Variants in ORC5 observed in about 807,000 individuals in gnomAD.
The protein encoded by ORC5 is origin recognition complex subunit 5.
Under a neutral mutation model 58.8 loss-of-function variants are expected in ORC5, and 39 were observed. That is an observed-to-expected ratio of 0.66 (90% CI 0.51 to 0.87). The LOEUF is 0.87. Ranked by LOEUF, ORC5 falls within the 40% of genes least tolerant of loss-of-function variation. The pLI is 0.00. For missense variants in ORC5, 493 were observed against 506.3 expected, an observed-to-expected ratio of 0.97 and a Z score of 0.25; for synonymous variants, 218 against 177.6, an observed-to-expected ratio of 1.23 and a Z score of -1.81.
chr7:104,192,989 G>A (rs1239211384), intron 5 of ORC5, among the ~76,000 whole-genome samples: 1 of 151,702 alleles, frequency 6.6e-6, no homozygotes, highest in South Asian at 2.1e-4. Flanking sequence ...AATATAAAGT[G>A]CTCTAACATA....
At chr7:104,137,244 C>A (rs1412476122) in intron 12 of ORC5, among the ~76,000 whole-genome samples, 1 of 142,804 alleles carries the variant, frequency 7.0e-6, no homozygotes, top group Non-Finnish European at 1.5e-5. Context: ...GCTGGGACTA[C>A]AGGCACATTT....
At chr7:104,183,868 T>C in intron 8 of ORC5, 75 bp downstream of exon 8, 1 of 977,212 alleles carries the variant, frequency 1.0e-6, no homozygotes, top group Non-Finnish European at 1.6e-6. Flanking sequence ...TCCCTCTCTC[T>C]GTTATTTAAG....
Position 104,194,120 on chromosome 7 carries a change from A to G in ORC5, c.553+1023T>C, listed in dbSNP as rs569916299. 4.7e-5 allele frequency among the ~76,000 whole-genome samples: 7 copies of G among 149,198 alleles called. No individual in the cohort carries two copies. The East Asian group carries it at 1.4e-3, about 29-fold the overall frequency. ...GAGCCTTTTTTTTTTTTTTTTAAAT[A>G]AAATCCTTTATCACTTTTCCTCTTA... is the stretch of plus-strand genomic sequence containing the variant. On this transcript the variant is annotated intron_variant, in intron 5 of 13. Transcript: ENST00000297431.
intron 8 of ORC5, among the ~76,000 whole-genome samples, chr7:104,177,199 G>C (rs1302372502): frequency 1.3e-5 from 2 of 152,056 alleles, no homozygotes; most frequent in African/African-American, 2.4e-5. Context: ...GATGAATGTA[G>C]GTGGCATAAA....
At chr7:104,155,122 A>T (rs970966051) in intron 12 of ORC5, among the ~76,000 whole-genome samples, 1 of 151,826 alleles carries the variant, frequency 6.6e-6, no homozygotes, top group Non-Finnish European at 1.5e-5. Context: ...ATTACAATAA[A>T]TAAAACCTCC....
intron 13 of ORC5, among the ~76,000 whole-genome samples, chr7:104,132,566 A>G: frequency 6.6e-6 from 1 of 152,126 alleles, no homozygotes; most frequent in East Asian, 1.9e-4. Context: ...TGTCCCCAAA[A>G]ACAAATTCAT....
chr7:104,175,641 A>C (rs1187199244), intron 8 of ORC5, among the ~76,000 whole-genome samples: 1 of 152,238 alleles, frequency 6.6e-6, no homozygotes, highest in Non-Finnish European at 1.5e-5. Context: ...CTCAGATCAA[A>C]GAGGTCAAAA....
At chr7:104,173,883 C>T (rs899248517) in intron 8 of ORC5, among the ~76,000 whole-genome samples, 2 of 126,776 alleles carry the variant, frequency 1.6e-5, no homozygotes, top group East Asian at 2.3e-4. Flanking sequence ...CTCGCTCTGT[C>T]GCCCAGGCTG....
Position 104,133,004 on chromosome 7 carries a change from T to C in ORC5, c.1262+3777A>G, listed in dbSNP as rs1450791886. 6.6e-6 allele frequency among the ~76,000 whole-genome samples: 1 copy of C among 151,904 alleles called. No individual in the cohort carries two copies. Among genetic ancestry groups the C allele is most frequent in the Non-Finnish European group, 1.5e-5 (1 of 67,982 alleles). ...GAAGCAGAATGGTGAATATAAAAAA[T>C]GGAAAAAAGTGGTTAAAGTGCAGAT... is the stretch of plus-strand genomic sequence containing the variant. On this transcript the variant is annotated intron_variant, in intron 13 of 13. Transcript: ENST00000297431. The surrounding 1 kb of genome is among the most constrained non-coding windows in gnomAD (Gnocchi z 4.7).
rs10279892 is a variant in ORC5, at chr7:104,206,448, C to G, written c.72+1385G>C. Among the ~76,000 whole-genome samples the G allele has an allele frequency of 1.2e-4, 18 of 152,240 alleles. No homozygotes were observed. The South Asian group carries it at 3.5e-3, about 30-fold the overall frequency. ...ACTCATCCCTATTTGCCAATTTGCT[C>G]TTTCAGCAGGAACATTTCTGGCTGG... is the stretch of plus-strand genomic sequence containing the variant. On this transcript the variant is annotated intron_variant, in intron 1 of 13. Coordinates refer to ENST00000297431, the MANE Select transcript of ORC5 (RefSeq NM_002553.4).
intron 12 of ORC5, among the ~76,000 whole-genome samples, chr7:104,157,491 G>A (rs1370641534): frequency 6.6e-6 from 1 of 151,980 alleles, no homozygotes; most frequent in African/African-American, 2.4e-5. Flanking sequence ...AACTACAATT[G>A]TCAAGTTTGA....
At chr7:104,202,722 T>C (rs1398404981) in intron 2 of ORC5, among the ~76,000 whole-genome samples, 1 of 152,230 alleles carries the variant, frequency 6.6e-6, no homozygotes, top group Admixed American at 6.5e-5. Flanking sequence ...GAAATGCAAA[T>C]GCCTGGACCA....
chr7:104,150,799 C>T (rs1464734845), intron 12 of ORC5, among the ~76,000 whole-genome samples: 1 of 152,166 alleles, frequency 6.6e-6, no homozygotes, highest in Non-Finnish European at 1.5e-5. Context: ...AATGAACAGA[C>T]AACGTCTATG....
chr7:104,160,377 T>G (rs1349723849), intron 12 of ORC5, among the ~76,000 whole-genome samples: 1 of 152,204 alleles, frequency 6.6e-6, no homozygotes, highest in Admixed American at 6.5e-5. Context: ...CACTGCAATA[T>G]CTGACATGAC....
intron 11 of ORC5, among the ~76,000 whole-genome samples, chr7:104,162,774 A>C (rs1799045206): frequency 6.6e-6 from 1 of 152,196 alleles, no homozygotes; most frequent in African/African-American, 2.4e-5. Flanking sequence ...ATCACATTAC[A>C]GATAAGTTGA....
chr7:104,173,798 TA>T (rs1799261105), intron 8 of ORC5, among the ~76,000 whole-genome samples: 2 of 152,162 alleles, frequency 1.3e-5, no homozygotes, highest in Admixed American at 6.5e-5. Context: ...TCTGCATGCC[TA>T]ATTTAGTATT....
At chr7:104,160,968 A>G (rs1355912818) in intron 12 of ORC5, 104 bp downstream of exon 12, 4 of 701,476 alleles carry the variant, frequency 5.7e-6, no homozygotes, top group Non-Finnish European at 1.0e-5. Context: ...TAGTTAAAAC[A>G]GTAACATATG....
chr7:104,132,961 C>T (rs965609898), intron 13 of ORC5, among the ~76,000 whole-genome samples: 2 of 151,888 alleles, frequency 1.3e-5, no homozygotes, highest in African/African-American at 4.8e-5. Context: ...CTGGAAAATG[C>T]TGTATATACA....
intron 5 of ORC5, 75 bp downstream of exon 5, chr7:104,195,068 T>C: frequency 1.4e-6 from 1 of 709,544 alleles, no homozygotes; most frequent in South Asian, 1.8e-5. Flanking sequence ...CATTTGAATA[T>C]GCTAGTTTAA....
Sources: gnomAD v4.1 joint callset for allele counts (sites outside exome capture counted in the v4.1 genomes callset) on GRCh38, gnomAD v4.1.1 for gene constraint, Gnocchi (gnomAD v3.1) non-coding constraint, MANE v1.5 for transcripts, NCBI Gene and HGNC (gene_info 2026-07-23, HGNC 2026-07-21) for gene names.